GALNTL6: variants seen among roughly 807,000 people sequenced by gnomAD.
GALNTL6 encodes polypeptide N-acetylgalactosaminyltransferase like 6.
In GALNTL6, 46 loss-of-function variants were observed where a neutral mutation model predicts 73.7. The observed-to-expected ratio is 0.62, with a 90% CI of 0.49 to 0.80. The LOEUF (loss-of-function observed/expected upper bound fraction) is 0.80. GALNTL6 is among the 30% of genes least tolerant of loss of function. GALNTL6 has a pLI of 0.00. For missense variants in GALNTL6, 604 were observed against 755.0 expected (o/e 0.80, Z 2.34); for synonymous variants, 259 against 263.7 (o/e 0.98, Z 0.17).
At chr4:172,974,298 C>T (rs78140366) in intron 10 of GALNTL6, among the ~76,000 whole-genome samples, 2,598 of 152,196 alleles carry the variant, frequency 0.017, 79 homozygotes, top group African/African-American at 0.06. Flanking sequence ...GAGCAGATGG[C>T]ACCTTTCTGT....
At chr4:172,580,213 CA>C (rs1364029425) in intron 5 of GALNTL6, among the ~76,000 whole-genome samples, 7 of 152,064 alleles carry the variant, frequency 4.6e-5, no homozygotes, top group Admixed American at 1.3e-4. Flanking sequence ...ATGAAAACAG[CA>C]AAGTACAAAT....
chr4:172,287,070 G>T (rs550986918), intron 3 of GALNTL6, among the ~76,000 whole-genome samples: 1 of 152,250 alleles, frequency 6.6e-6, no homozygotes, highest in South Asian at 2.1e-4. Context: ...AATCAAAAAG[G>T]CAAAGCCTTG....
intron 7 of GALNTL6, among the ~76,000 whole-genome samples, chr4:172,856,648 T>TCTAC (rs60747961): frequency 0.6 from 91,561 of 151,760 alleles, 31,131 homozygotes; most frequent in East Asian, 0.91. Flanking sequence ...TTTCTACTCT[T>TCTAC]CTGTCTGGCT....
chr4:172,819,022 C>T (rs1174705913), intron 7 of GALNTL6, among the ~76,000 whole-genome samples: 1 of 152,198 alleles, frequency 6.6e-6, no homozygotes, highest in Non-Finnish European at 1.5e-5. Context: ...ATAGCAATAG[C>T]CGTGACCCAT....
chr4:172,417,249 T>C (rs548385045), intron 5 of GALNTL6, among the ~76,000 whole-genome samples: 2 of 152,076 alleles, frequency 1.3e-5, no homozygotes, highest in Non-Finnish European at 2.9e-5. Flanking sequence ...GCTGTTCTTT[T>C]TGTTTCTTTC....
At chr4:172,498,062 C>T (rs185610264) in intron 5 of GALNTL6, among the ~76,000 whole-genome samples, 2 of 143,256 alleles carry the variant, frequency 1.4e-5, no homozygotes, top group East Asian at 4.2e-4. Context: ...GCAATCTCAG[C>T]TCACTGTAAC....
rs148092025 is a variant in GALNTL6, at chr4:172,619,723, T to C, written c.554-189638T>C. On this transcript the variant is annotated intron_variant, in intron 5 of 12. Transcript: ENST00000506823. Reference sequence around the variant, plus strand: ...CTTTGTTTTTTAAGTGTCTGGTTATTTGATCCCTGAATTGAAGTTTTGAGA... The same window carrying C: ...CTTTGTTTTTTAAGTGTCTGGTTATCTGATCCCTGAATTGAAGTTTTGAGA... 1.2e-4 allele frequency among the ~76,000 whole-genome samples: 18 copies of C among 152,330 alleles called. No individual in the cohort carries two copies. In the East Asian group the frequency reaches 3.3e-3, roughly 28 times the overall value.
chr4:172,823,730 A>G (rs1020453787), intron 7 of GALNTL6, among the ~76,000 whole-genome samples: 3 of 152,230 alleles, frequency 2.0e-5, no homozygotes, highest in Non-Finnish European at 4.4e-5. Flanking sequence ...TTTATCCAGT[A>G]TGTAGAAAGA....
chr4:172,600,459 C>T (rs367901201), intron 5 of GALNTL6, among the ~76,000 whole-genome samples: 5 of 151,956 alleles, frequency 3.3e-5, no homozygotes, highest in Admixed American at 6.6e-5. Context: ...ACTCGAGTTC[C>T]GGAAGATTAT....
chr4:172,724,814 G>T (rs894388860), intron 5 of GALNTL6, among the ~76,000 whole-genome samples: 2 of 152,094 alleles, frequency 1.3e-5, no homozygotes, highest in African/African-American at 4.8e-5. Flanking sequence ...AGAAATAAAA[G>T]GTGAAAAGCT....
intron 5 of GALNTL6, among the ~76,000 whole-genome samples, chr4:172,481,152 T>C (rs531997993): frequency 6.6e-6 from 1 of 152,216 alleles, no homozygotes; most frequent in East Asian, 1.9e-4. Flanking sequence ...GGGTTCGTGG[T>C]CTTGCTGGCT....
intron 2 of GALNTL6, among the ~76,000 whole-genome samples, chr4:171,968,832 TG>T (rs1040034696): frequency 5.3e-5 from 6 of 113,438 alleles, no homozygotes. Context: ...ATTTTTTTTT[TG>T]TGCGGGGTGG....
At chr4:172,643,923 CT>C (rs970790272) in intron 5 of GALNTL6, among the ~76,000 whole-genome samples, 1 of 151,910 alleles carries the variant, frequency 6.6e-6, no homozygotes, top group Non-Finnish European at 1.5e-5. Flanking sequence ...AGGATCACTA[CT>C]GGTCATGAAG....
At chr4:172,424,591 C>T (rs548524750) in intron 5 of GALNTL6, among the ~76,000 whole-genome samples, 4 of 152,130 alleles carry the variant, frequency 2.6e-5, no homozygotes, top group Non-Finnish European at 4.4e-5. Flanking sequence ...GTTCAGTGGG[C>T]GGAGGGTATG....
chr4:172,234,841 C>T (rs1348034220), intron 3 of GALNTL6, among the ~76,000 whole-genome samples: 1 of 151,998 alleles, frequency 6.6e-6, no homozygotes, highest in Non-Finnish European at 1.5e-5. Context: ...GTTTTTTATA[C>T]TTCATAATTG....
intron 5 of GALNTL6, among the ~76,000 whole-genome samples, chr4:172,698,529 C>T (rs1244032320): frequency 4.6e-5 from 7 of 152,138 alleles, no homozygotes; most frequent in Non-Finnish European, 1.0e-4. Flanking sequence ...TTGACAAATT[C>T]TGGGAGCTCC....
intron 2 of GALNTL6, among the ~76,000 whole-genome samples, chr4:171,982,412 T>C (rs332987): frequency 0.97 from 148,016 of 152,148 alleles, 72,115 homozygotes; most frequent in Middle Eastern, 1. Flanking sequence ...ATTCTCCTGC[T>C]TCAGCCTCCC....
chr4:172,995,506 G>A (rs1393100493), intron 10 of GALNTL6, among the ~76,000 whole-genome samples: 4 of 152,252 alleles, frequency 2.6e-5, no homozygotes, highest in South Asian at 2.1e-4. Context: ...TGCTATTCCC[G>A]TAGATTCTTT....
At chr4:171,821,648 T>TATATAC (rs1285791659) in intron 2 of GALNTL6, among the ~76,000 whole-genome samples, 517 of 18,500 alleles carry the variant, frequency 0.028, 5 homozygotes, top group African/African-American at 0.037. Context: ...CGGATATATA[T>TATATAC]ATATATATAT....
Sources: allele counts gnomAD v4.1 joint callset (sites outside exome capture counted in the v4.1 genomes callset), GRCh38; gene constraint gnomAD v4.1.1; transcripts MANE v1.5; gene names NCBI Gene and HGNC (gene_info 2026-07-23, HGNC 2026-07-21).